Variants in ZMAT4 observed in about 807,000 individuals in gnomAD.
The protein encoded by ZMAT4 is zinc finger matrin-type 4, also known as zinc finger matrin-type protein 4.
In ZMAT4, 17 loss-of-function variants were observed where a neutral mutation model predicts 28.7. The observed-to-expected ratio is 0.59, with a 90% CI of 0.41 to 0.89. The LOEUF (loss-of-function observed/expected upper bound fraction) is 0.89, where lower values mean the gene tolerates loss of function less well. Ranked by LOEUF, ZMAT4 falls within the 40% of genes least tolerant of loss-of-function variation. The pLI, the probability that ZMAT4 is intolerant of heterozygous loss-of-function variation, is 0.00. For missense variants in ZMAT4, 240 were observed against 283.8 expected, an observed-to-expected ratio of 0.85 and a Z score of 1.11; for synonymous variants, 117 against 109.2, an observed-to-expected ratio of 1.07 and a Z score of -0.44.
At chr8:40,783,354 T>C (rs1813925532) in intron 2 of ZMAT4, among the ~76,000 whole-genome samples, 1 of 152,080 alleles carries the variant, frequency 6.6e-6, no homozygotes, top group African/African-American at 2.4e-5. Flanking sequence ...AATAAGCAAA[T>C]CTACAGAGAC....
chr8:40,659,364 C>G (rs1221226093), intron 5 of ZMAT4, among the ~76,000 whole-genome samples: 1 of 152,084 alleles, frequency 6.6e-6, no homozygotes. Flanking sequence ...CTCCAAAGTT[C>G]CTCATATGTT....
At chr8:40,699,608 A>ACT (rs1563420119) in intron 3 of ZMAT4, among the ~76,000 whole-genome samples, 2 of 152,114 alleles carry the variant, frequency 1.3e-5, no homozygotes, top group African/African-American at 4.8e-5. Flanking sequence ...ACACACACAC[A>ACT]CACACACACA....
chr8:40,655,086 C>T (rs1460073621), intron 5 of ZMAT4, among the ~76,000 whole-genome samples: 1 of 67,962 alleles, frequency 1.5e-5, no homozygotes, highest in Non-Finnish European at 3.6e-5. Flanking sequence ...ACACACAGCA[C>T]ATAAAACCAT....
chr8:40,880,275 A>C (rs1291507237), intron 1 of ZMAT4, among the ~76,000 whole-genome samples: 5 of 151,912 alleles, frequency 3.3e-5, no homozygotes, highest in Admixed American at 3.3e-4. Context: ...AGGCTGAGGC[A>C]GGAGAATCAC....
chr8:40,702,905 A>G (rs1810205327), intron 3 of ZMAT4, among the ~76,000 whole-genome samples: 1 of 152,218 alleles, frequency 6.6e-6, no homozygotes, highest in South Asian at 2.1e-4. Flanking sequence ...ATAGAGAGTA[A>G]TGGAGCGATG....
chr8:40,774,683 A>AATAT (rs34285377), intron 2 of ZMAT4, among the ~76,000 whole-genome samples: 59 of 149,814 alleles, frequency 3.9e-4, no homozygotes, highest in African/African-American at 8.5e-4. Context: ...ATGACATAGA[A>AATAT]ATATATATAT....
intron 3 of ZMAT4, among the ~76,000 whole-genome samples, chr8:40,752,295 C>T (rs1217546151): frequency 2.0e-5 from 3 of 152,160 alleles, no homozygotes; most frequent in Non-Finnish European, 2.9e-5. Flanking sequence ...GTCCCTCTGC[C>T]ACTGGGCTTG....
intron 5 of ZMAT4, among the ~76,000 whole-genome samples, chr8:40,672,046 C>T (rs912897767): frequency 8.6e-5 from 13 of 151,960 alleles, no homozygotes; most frequent in Admixed American, 6.5e-4. Context: ...GACATAAATG[C>T]CTGCTTTTAA....
intron 1 of ZMAT4, among the ~76,000 whole-genome samples, chr8:40,844,657 CTGTG>C (rs71224857): frequency 0.08 from 11,305 of 142,122 alleles, 497 homozygotes; most frequent in East Asian, 0.15. Flanking sequence ...CTCTCTCATT[CTGTG>C]TGTGTGTGTG....
intron 5 of ZMAT4, among the ~76,000 whole-genome samples, chr8:40,626,474 T>C (rs1349536): frequency 0.56 from 85,316 of 151,590 alleles, 25,136 homozygotes; most frequent in East Asian, 0.69. Context: ...TTCCTGAACA[T>C]ATAAAACTCT....
chr8:40,690,824 AG>A (rs1482877302), intron 4 of ZMAT4: 1 of 864,614 alleles, frequency 1.2e-6, no homozygotes, highest in African/African-American at 1.8e-5. Flanking sequence ...ACAGGAAATA[AG>A]GAAAAAAAGA....
At chr8:40,751,959 C>T (rs890206249) in intron 3 of ZMAT4, among the ~76,000 whole-genome samples, 6 of 152,146 alleles carry the variant, frequency 3.9e-5, no homozygotes, top group Admixed American at 1.3e-4. Flanking sequence ...TAAAGTCTAA[C>T]GCTGTGATCT....
intron 6 of ZMAT4, among the ~76,000 whole-genome samples, chr8:40,577,470 G>A (rs1384062059): frequency 6.6e-6 from 1 of 152,150 alleles, no homozygotes; most frequent in Non-Finnish European, 1.5e-5. Context: ...AGCTAAAAGA[G>A]CTGATCTCAT....
chr8:40,836,873 C>T (rs574672438), intron 1 of ZMAT4, among the ~76,000 whole-genome samples: 64 of 152,084 alleles, frequency 4.2e-4, no homozygotes, highest in South Asian at 2.9e-3. Flanking sequence ...TTATTAACGA[C>T]GGTAACTGAT....
intron 3 of ZMAT4, among the ~76,000 whole-genome samples, chr8:40,742,749 GCACA>G (rs10533331): frequency 0.057 from 317 of 5,560 alleles, 2 homozygotes; most frequent in African/African-American, 0.068. Context: ...GTGCACGCAT[GCACA>G]CACACACACA....
At chr8:40,810,120 G>GTA (rs931671831) in intron 2 of ZMAT4, among the ~76,000 whole-genome samples, 5 of 151,926 alleles carry the variant, frequency 3.3e-5, no homozygotes, top group African/African-American at 1.2e-4. Context: ...ATATATATGT[G>GTA]TATATGTATG....
chr8:40,816,823 C>T (rs893997039), intron 2 of ZMAT4, among the ~76,000 whole-genome samples: 14 of 152,154 alleles, frequency 9.2e-5, no homozygotes, highest in African/African-American at 3.4e-4. Flanking sequence ...ATGCAACTGA[C>T]CCATTAGCAG....
intron 3 of ZMAT4, among the ~76,000 whole-genome samples, chr8:40,713,921 C>CAAAAAAAAAAAAAAAAAAAAAAAAAAA (rs532317102): frequency 8.0e-5 from 4 of 50,016 alleles, no homozygotes; most frequent in African/African-American, 2.0e-4. Context: ...AAAACAAAAC[C>CAAAAAAAAAAAAAAAAAAAAAAAAAAA]AAAAAAAAAA....
intron 3 of ZMAT4, among the ~76,000 whole-genome samples, chr8:40,700,904 T>G (rs1810114890): frequency 6.6e-6 from 1 of 152,202 alleles, no homozygotes. Flanking sequence ...GTCTCATTGA[T>G]AGTGAGGAGC....
Sources: gnomAD v4.1 joint callset for allele counts (sites outside exome capture counted in the v4.1 genomes callset) on GRCh38, gnomAD v4.1.1 for gene constraint, MANE v1.5 for transcripts, NCBI Gene and HGNC (gene_info 2026-07-23, HGNC 2026-07-21) for gene names.